The following TMEM108 variants were observed in gnomAD, a reference collection of about 807,000 sequenced individuals.
TMEM108 encodes transmembrane protein 108.
A neutral mutation model predicts 35.1 loss-of-function variants in TMEM108; 12 were observed. The ratio of observed to expected loss-of-function variants is 0.34; its 90% CI spans 0.22 to 0.55. The LOEUF (loss-of-function observed/expected upper bound fraction) is 0.55, where lower values mean the gene tolerates loss of function less well. TMEM108 is among the 20% of genes least tolerant of loss of function. The pLI, the probability that TMEM108 is intolerant of heterozygous loss-of-function variation, is 0.89. For missense variants in TMEM108, 680 were observed against 753.3 expected (o/e 0.90, Z 1.14); for synonymous variants, 287 against 308.6 (o/e 0.93, Z 0.73).
chr3:133,038,423 C>G lies in TMEM108; in HGVS notation c.-178C>G, dbSNP rs1173417197. On this transcript the variant is annotated 5_prime_UTR_variant, in exon 1 of 6. Coordinates refer to ENST00000321871, the MANE Select transcript of TMEM108 (RefSeq NM_023943.4). ...CCTGAGCCGTCGGAGGGAGCCGGAG[C>G]GCTTCTCCCGAGGTAAGCGGCGCTC... is the stretch of plus-strand genomic sequence containing the variant. 6.6e-6 allele frequency: 1 copy of G among 152,362 alleles called. No individual in the cohort carries two copies. The highest frequency in any genetic ancestry group is 2.4e-5 in the African/African-American group (1 of 41,464). 9.4% of individuals were successfully genotyped at this position (152,362 alleles called of 1,614,324 possible).
At chr3:133,344,542 T>C (rs2071758240) in intron 3 of TMEM108, among the ~76,000 whole-genome samples, 1 of 151,652 alleles carries the variant, frequency 6.6e-6, no homozygotes, top group Admixed American at 6.6e-5. Flanking sequence ...AAATTACCTA[T>C]TAATTCAGCC....
At chr3:133,241,879 GC>G (rs796879914) in intron 3 of TMEM108, among the ~76,000 whole-genome samples, 4 of 152,200 alleles carry the variant, frequency 2.6e-5, no homozygotes, top group African/African-American at 9.6e-5. Flanking sequence ...CTCCCAAAGT[GC>G]TGGGATTATA....
At chr3:133,306,978 A>C (rs969788803) in intron 3 of TMEM108, among the ~76,000 whole-genome samples, 2 of 152,064 alleles carry the variant, frequency 1.3e-5, no homozygotes, top group East Asian at 3.9e-4. Context: ...ACTAATTTAC[A>C]CTCCCACCAA....
At position 133,381,105 on chromosome 3, in the gene TMEM108, G is replaced by A; in HGVS notation, c.1394G>A (p.Ser465Asn). ...KPQHRATICL[S>N]KMDIAWVILA... is the part of the protein sequence containing the mutation. The stretch of plus-strand genomic sequence containing the variant: ...CAGCACAGAGCCACCATCTGCCTGA[G>A]CAAGATGGATATCGCCTGGGTGATC... Residue 465 changes from serine to asparagine, a missense_variant, in exon 4 of 6, where the codon AGC (serine) becomes AAC (asparagine). Around this residue, in one of 3 missense-constraint regions of TMEM108, gnomAD observed 105 missense variants for 150.7 expected, o/e 0.70. Coordinates refer to ENST00000321871, the MANE Select transcript of TMEM108 (RefSeq NM_023943.4). 1.2e-6 allele frequency: 2 copies of A among 1,613,670 alleles called. No homozygotes were observed. Among genetic ancestry groups the A allele is most frequent in the Non-Finnish European group, 1.7e-6 (2 of 1,179,650 alleles).
intron 2 of TMEM108, among the ~76,000 whole-genome samples, chr3:133,170,758 C>G (rs1483212424): frequency 6.6e-6 from 1 of 151,858 alleles, no homozygotes; most frequent in Admixed American, 6.6e-5. Flanking sequence ...GGAGATATAT[C>G]AGTATATATC....
chr3:133,198,317 A>G (rs545232471), intron 2 of TMEM108, among the ~76,000 whole-genome samples: 3 of 132,274 alleles, frequency 2.3e-5, no homozygotes, highest in African/African-American at 8.8e-5. Context: ...TTTAGTAGTC[A>G]TATATACTCA....
chr3:133,195,294 A>G (rs1945560613), intron 2 of TMEM108, among the ~76,000 whole-genome samples: 1 of 152,206 alleles, frequency 6.6e-6, no homozygotes, highest in Non-Finnish European at 1.5e-5. Context: ...TAAGTAATGT[A>G]TAATATCTCA....
At chr3:133,241,460 C>T (rs1218746972) in intron 3 of TMEM108, among the ~76,000 whole-genome samples, 1 of 152,190 alleles carries the variant, frequency 6.6e-6, no homozygotes, top group Admixed American at 6.5e-5. Context: ...CCTAGCAGCT[C>T]CTTGAAGATA....
chr3:133,396,071 T>C lies in TMEM108; in HGVS notation c.*85T>C. The C allele has an allele frequency of 9.9e-7, 1 of 1,009,912 alleles. No homozygotes were observed. The highest frequency in any genetic ancestry group is 1.3e-6 in the Non-Finnish European group (1 of 795,122). 62.6% of individuals were successfully genotyped at this position (1,009,912 alleles called of 1,614,324 possible). ...ATACATATATTATAAATATAACCTT[T>C]GTGTAACCCTGACTTAATGAGAAAC... On this transcript the variant is annotated 3_prime_UTR_variant, in exon 6 of 6. Transcript: ENST00000321871.
Position 133,375,364 on chromosome 3 carries a change from C to A in TMEM108, c.41-4388C>A, listed in dbSNP as rs139323124. Among the ~76,000 whole-genome samples, 741 of 152,310 alleles carry A rather than the reference C, an allele frequency of 4.9e-3. 6 individuals carry two copies. The highest frequency in any genetic ancestry group is 0.017 in the African/African-American group (706 of 41,544). Reference sequence around the variant, plus strand: ...GTAGATTCCACCCCACAACAATTGTCCATATTCAGACACGTTTTAAAAATC... The same window carrying A: ...GTAGATTCCACCCCACAACAATTGTACATATTCAGACACGTTTTAAAAATC... On this transcript the variant is annotated intron_variant, in intron 3 of 5. Coordinates refer to ENST00000321871, the MANE Select transcript of TMEM108 (RefSeq NM_023943.4).
At chr3:133,091,867 A>AG (rs2107707358) in intron 2 of TMEM108, among the ~76,000 whole-genome samples, 1 of 152,304 alleles carries the variant, frequency 6.6e-6, no homozygotes, top group African/African-American at 2.4e-5. Flanking sequence ...TAAAAAAAAA[A>AG]CAAAACCCAA....
chr3:133,151,920 G>A (rs146778219), intron 2 of TMEM108, among the ~76,000 whole-genome samples: 1 of 152,256 alleles, frequency 6.6e-6, no homozygotes, highest in African/African-American at 2.4e-5. Flanking sequence ...GAAGAGAGCC[G>A]AGTAAGAGAA....
chr3:133,302,285 GCA>G (rs373685145), intron 3 of TMEM108, among the ~76,000 whole-genome samples: 9 of 151,798 alleles, frequency 5.9e-5, no homozygotes, highest in African/African-American at 1.7e-4. Context: ...GCACGGGTGT[GCA>G]CACACACACA....
intron 3 of TMEM108, among the ~76,000 whole-genome samples, chr3:133,326,771 G>T (rs1435406609): frequency 6.6e-6 from 1 of 152,170 alleles, no homozygotes; most frequent in African/African-American, 2.4e-5. Flanking sequence ...AGAAAGTCCT[G>T]GGTTCAAATT....
At chr3:133,176,435 C>G (rs921919936) in intron 2 of TMEM108, among the ~76,000 whole-genome samples, 2 of 152,176 alleles carry the variant, frequency 1.3e-5, no homozygotes, top group African/African-American at 4.8e-5. Context: ...AAGCACACCT[C>G]AGCAAATGTA....
intron 2 of TMEM108, among the ~76,000 whole-genome samples, chr3:133,195,879 C>G (rs1256774729): frequency 1.3e-5 from 2 of 152,238 alleles, no homozygotes; most frequent in Non-Finnish European, 2.9e-5. Flanking sequence ...ACCTATTTTG[C>G]TGTGGTCTTC....
intron 3 of TMEM108, among the ~76,000 whole-genome samples, chr3:133,264,122 G>T (rs183473790): frequency 1.3e-5 from 2 of 152,052 alleles, no homozygotes; most frequent in African/African-American, 2.4e-5. Flanking sequence ...TCTGAGAAAC[G>T]TAGTAAGAAC....
At chr3:133,225,335 C>T (rs967598930) in intron 2 of TMEM108, among the ~76,000 whole-genome samples, 10 of 152,050 alleles carry the variant, frequency 6.6e-5, no homozygotes, top group Admixed American at 1.3e-4. Flanking sequence ...CATAAGCCAC[C>T]GCGCCCAGCC....
chr3:133,160,540 A>G lies in TMEM108; in HGVS notation c.-46-68726A>G, dbSNP rs547225315. Among the ~76,000 whole-genome samples the G allele has an allele frequency of 5.3e-5, 8 of 152,326 alleles. No homozygotes were observed. In the East Asian group the frequency reaches 9.7e-4, roughly 18 times the overall value. ...TATTTTAGCCTTGGATGCTGGGGCC[A>G]GGTTTATTGCAATAGGGCATAGCCA... is the stretch of plus-strand genomic sequence containing the variant. On this transcript the variant is annotated intron_variant, in intron 2 of 5. Coordinates refer to ENST00000321871, the MANE Select transcript of TMEM108 (RefSeq NM_023943.4).
Sources: gnomAD v4.1 joint callset for allele counts (sites outside exome capture counted in the v4.1 genomes callset) on GRCh38, gnomAD v4.1.1 for gene constraint, gnomAD v4.1.1 regional missense constraint, MANE v1.5 for transcripts, NCBI Gene and HGNC (gene_info 2026-07-23, HGNC 2026-07-21) for gene names.